MUC5AC: variants seen among roughly 807,000 people sequenced by gnomAD.
The protein encoded by MUC5AC is mucin 5AC, oligomeric mucus/gel-forming.
In MUC5AC, 158 loss-of-function variants were observed where a neutral mutation model predicts 169.7. That is an observed-to-expected ratio of 0.93 (90% CI 0.82 to 1.06). MUC5AC has a LOEUF of 1.06. Among genes scored for constraint, MUC5AC ranks in the 50% least tolerant of loss-of-function variants. The pLI is 0.00. For synonymous variants in MUC5AC, 1,975 were observed against 1,237.0 expected, an observed-to-expected ratio of 1.60 and a Z score of -12.52; for missense variants, 4,359 against 3,089.9, an observed-to-expected ratio of 1.41 and a Z score of -9.74.
chr11:1,180,299 G>A (rs1860786507), intron 27 of MUC5AC, 55 bp from the exon 28 acceptor site: 1 of 398,514 alleles, frequency 2.5e-6, no homozygotes, highest in African/African-American at 2.1e-5. Flanking sequence ...GAGCCCTCCA[G>A]AGCGAGGTGG....
intron 6 of MUC5AC, 33 bp downstream of exon 6, chr11:1,163,078 C>G (rs1348395666): frequency 1.9e-6 from 3 of 1,589,546 alleles, no homozygotes; most frequent in Non-Finnish European, 2.6e-6. Context: ...GCCCCTTCCT[C>G]AGTGTCCCCT....
chr11:1,187,565 A>T lies in MUC5AC; in HGVS notation c.9420A>T (p.Thr3140=), dbSNP rs1860984065. 1 of 753,968 alleles carries T rather than the reference A, an allele frequency of 1.3e-6. No individual in the cohort carries two copies. Among genetic ancestry groups the T allele is most frequent in the East Asian group, 2.5e-5 (1 of 40,788 alleles). The allele number at this position is 753,968 out of a possible 1,614,324, so 46.7% of individuals were successfully genotyped here. A position where few individuals can be genotyped will look rare whatever the true frequency, so the allele number is the denominator to read the frequency against. The change falls in exon 31 of 49, where the codon ACA becomes ACT. Residue 3140 remains threonine (T), a synonymous_variant. Coordinates refer to ENST00000621226, the MANE Select transcript of MUC5AC (RefSeq NM_001304359.2). ...CAACCTCTCCTCCTACAACCAGCAC[A>T]ACTTCTGCCTCTACAGCCAGCAAAA... ...TSTTSPPTTS[T]TSASTASKTS...
chr11:1,174,794 G>A (rs1860633468), intron 17 of MUC5AC, 88 bp from the exon 18 acceptor site: 4 of 456,938 alleles, frequency 8.8e-6, no homozygotes, highest in Non-Finnish European at 1.2e-5. Context: ...GGAGGGGAGG[G>A]TAGCCGAGAG....
intron 30 of MUC5AC, among the ~76,000 whole-genome samples, 171 bp downstream of exon 30, chr11:1,181,630 C>T (rs1226130154): frequency 6.6e-6 from 1 of 152,162 alleles, no homozygotes; most frequent in African/African-American, 2.4e-5. Flanking sequence ...CCTGCTGTTT[C>T]CCCACCAGCC....
chr11:1,167,495 A>G (rs933759171), intron 11 of MUC5AC, among the ~76,000 whole-genome samples: 5 of 152,190 alleles, frequency 3.3e-5, no homozygotes, highest in African/African-American at 1.2e-4. Flanking sequence ...TTCCACGTTT[A>G]AGACAGATGT....
chr11:1,159,548 C>T (rs377048491), intron 1 of MUC5AC, among the ~76,000 whole-genome samples: 36,235 of 41,378 alleles, frequency 0.88, 16,177 homozygotes, highest in Non-Finnish European at 0.91. Flanking sequence ...CGGGGCTGTG[C>T]GGGGCTGTGC....
rs764862241 is a variant in MUC5AC at position 1,167,872 on chromosome 11, C to T, written c.1387-5C>T. 27 of 1,549,650 alleles carry T rather than the reference C, an allele frequency of 1.7e-5. No homozygotes were observed. The highest frequency in any genetic ancestry group is 1.7e-4 in the Middle Eastern group (1 of 5,868). On this transcript the variant is annotated splice_region_variant and splice_polypyrimidine_tract_variant and intron_variant, in intron 11 of 48. Transcript: ENST00000621226. Reference sequence around the variant, plus strand: ...TGAGGACCCCTGGTGTGTCGTGTTCCGCAGCCCTGTGACAGCAGTGCCTTC... The same window carrying T: ...TGAGGACCCCTGGTGTGTCGTGTTCTGCAGCCCTGTGACAGCAGTGCCTTC...
Position 1,176,134 on chromosome 11 carries a change from G to T in MUC5AC, c.2402-17G>T. On this transcript the variant is annotated splice_polypyrimidine_tract_variant and intron_variant, in intron 19 of 48. Coordinates refer to ENST00000621226, the MANE Select transcript of MUC5AC (RefSeq NM_001304359.2). ...AGCAGCCTGTGGCTGGCCCCCTGAC[G>T]GCCCCTCCCTCCCCAGTGTGTGCTG... 1 of 398,504 alleles carries T rather than the reference G, an allele frequency of 2.5e-6. No homozygotes were observed. 24.7% of individuals were successfully genotyped at this position (398,504 alleles called of 1,614,324 possible).
At chr11:1,169,851 G>A (rs1290072078) in intron 15 of MUC5AC, among the ~76,000 whole-genome samples, 121 of 28,376 alleles carry the variant, frequency 4.3e-3, no homozygotes, top group Non-Finnish European at 4.4e-3. Flanking sequence ...CCCACTCACC[G>A]ACTCACCCAT....
At chr11:1,165,029 C>T (rs1236226072) in intron 9 of MUC5AC, among the ~76,000 whole-genome samples, 2 of 147,288 alleles carry the variant, frequency 1.4e-5, no homozygotes, top group African/African-American at 2.5e-5. Flanking sequence ...GTCCTGGGCC[C>T]CCTGAGGCTG....
chr11:1,168,827 G>A (rs1221614249), intron 14 of MUC5AC, 35 bp from the exon 15 acceptor site: 2 of 1,578,860 alleles, frequency 1.3e-6, no homozygotes, highest in South Asian at 2.3e-5. Context: ...TCTGGCCAGG[G>A]CGCATGGTCC....
chr11:1,173,196 GCTCA>G (rs1446978926), intron 16 of MUC5AC, among the ~76,000 whole-genome samples: 6 of 146,476 alleles, frequency 4.1e-5, no homozygotes, highest in Admixed American at 1.4e-4. Flanking sequence ...TCACTCATCC[GCTCA>G]CTCATTTACT....
chr11:1,159,617 G>A (rs1860072850), intron 1 of MUC5AC, among the ~76,000 whole-genome samples: 1 of 137,738 alleles, frequency 7.3e-6, no homozygotes, highest in Non-Finnish European at 1.6e-5. Context: ...GCGGGGCTGG[G>A]GTCTGGTCCC....
rs894580770 is a variant in MUC5AC, at chr11:1,158,221, C to G, written c.73+149C>G. On this transcript the variant is annotated intron_variant, in intron 1 of 48. Coordinates refer to ENST00000621226, the MANE Select transcript of MUC5AC (RefSeq NM_001304359.2). ...GCATAGCCCCTGACTGTGGCCTGGC[C>G]ACGAACGAGCAGTTTCCCCTTGTGG... The G allele has an allele frequency of 1.7e-5, 12 of 704,584 alleles. No individual in the cohort carries two copies. In the African/African-American group the frequency reaches 2.2e-4, roughly 13 times the overall value. 43.6% of individuals were successfully genotyped at this position (704,584 alleles called of 1,614,324 possible).
chr11:1,191,422 C>T lies in MUC5AC; in HGVS notation c.13277C>T (p.Thr4426Ile), dbSNP rs1861093723. 1 of 738,972 alleles carries T rather than the reference C, an allele frequency of 1.4e-6. No individual in the cohort carries two copies. The highest frequency in any genetic ancestry group is 2.5e-6 in the Non-Finnish European group (1 of 403,376). 45.8% of individuals were successfully genotyped at this position (738,972 alleles called of 1,614,324 possible). The change falls in exon 31 of 49, where the codon ACC becomes ATC. Residue 4426 changes from threonine (T) to isoleucine (I), a missense_variant. Physicochemically the swap from Thr to Ile is moderately conservative, Grantham distance 89 (BLOSUM62 -1). Transcript: ENST00000621226. ...STTSAPTTRT[T>I]PASTASTTSG... ...ACCTCTGCTCCTACAACCAGAACAA[C>T]CCCTGCCTCTACAGCCAGCACAACC...
chr11:1,179,270 G>C, intron 26 of MUC5AC, 22 bp downstream of exon 26: 1 of 524,632 alleles, frequency 1.9e-6, no homozygotes, highest in East Asian at 3.1e-5. Context: ...TGGGCACCTG[G>C]GGAAGAACAG....
intron 43 of MUC5AC, 123 bp from the exon 44 acceptor site, chr11:1,198,751 C>T (rs752997407): frequency 6.3e-6 from 4 of 637,042 alleles, no homozygotes; most frequent in Non-Finnish European, 1.1e-5. Flanking sequence ...GCAACTCGGC[C>T]TGGTAGGAAG....
At chr11:1,181,099 C>A in intron 28 of MUC5AC, 40 bp from the exon 29 acceptor site, 1 of 398,528 alleles carries the variant, frequency 2.5e-6, no homozygotes, top group East Asian at 3.6e-5. Context: ...GGCACACGGC[C>A]GCCCCCACGC....
rs767453284 is a variant in MUC5AC, at chr11:1,200,690, C to T, written c.16953C>T (p.Ser5651=). 1 of 749,994 alleles carries T rather than the reference C, an allele frequency of 1.3e-6. No homozygotes were observed. The highest frequency in any genetic ancestry group is 2.5e-6 in the Non-Finnish European group (1 of 407,096). The allele number at this position is 749,994 out of a possible 1,614,324, so 46.5% of individuals were successfully genotyped here. A position where few individuals can be genotyped will look rare whatever the true frequency, so the allele number is the denominator to read the frequency against. Residue 5651 remains serine, a synonymous_variant, in exon 49 of 49, where the codon TCC becomes TCT. Transcript: ENST00000621226. ...SGSWERGVPV[S]PMH is the part of the protein sequence containing the mutation. ...GCTGGGAGAGAGGCGTCCCAGTGTC[C>T]CCCATGCACTGACCAGCACTGCCGC...
Sources: gnomAD v4.1 joint callset for allele counts (sites outside exome capture counted in the v4.1 genomes callset) on GRCh38, gnomAD v4.1.1 for gene constraint, MANE v1.5 for transcripts, NCBI Gene and HGNC (gene_info 2026-07-23, HGNC 2026-07-21) for gene names.